The following RIC1 variants were observed in gnomAD, a reference collection of about 807,000 sequenced individuals.
RIC1 encodes RIC1 partner of RAB6A GEF complex, also known as guanine nucleotide exchange factor subunit RIC1.
A neutral mutation model predicts 169.0 loss-of-function variants in RIC1; 88 were observed. The observed-to-expected ratio is 0.52, with a 90% CI of 0.44 to 0.62. The LOEUF is 0.62. RIC1 is among the 20% of genes least tolerant of loss of function. The pLI is 0.00. For synonymous variants in RIC1, 790 were observed against 601.5 expected, an observed-to-expected ratio of 1.31 and a Z score of -4.59; for missense variants, 1,877 against 1,725.5, an observed-to-expected ratio of 1.09 and a Z score of -1.56.
At chr9:5,715,913 T>A (rs1055356270) in intron 4 of RIC1, among the ~76,000 whole-genome samples, 8 of 151,498 alleles carry the variant, frequency 5.3e-5, no homozygotes, top group Non-Finnish European at 1.0e-4. Flanking sequence ...AGCGGCATGA[T>A]CACAGCTCAC....
At chr9:5,736,801 A>G (rs533566986) in intron 7 of RIC1, among the ~76,000 whole-genome samples, 135 of 152,298 alleles carry the variant, frequency 8.9e-4, no homozygotes, top group Non-Finnish European at 7.8e-4. Flanking sequence ...AAATTATCCA[A>G]AATGGAACAC....
rs1353693169 is a variant in RIC1 at position 5,774,522 on chromosome 9, G to A, written c.*276G>A. 7.8e-6 allele frequency: 2 copies of A among 257,962 alleles called. No homozygotes were observed. Among genetic ancestry groups the A allele is most frequent in the African/African-American group, 2.2e-5 (1 of 45,386 alleles). 16.0% of individuals were successfully genotyped at this position (257,962 alleles called of 1,614,324 possible). On this transcript the variant is annotated 3_prime_UTR_variant, in exon 26 of 26. Transcript: ENST00000414202. ...ATATTTTGGTTTTACTCAAAGGTTG[G>A]TAGCTCTTAAACCACAGGAATTGTT...
intron 9 of RIC1, 85 bp downstream of exon 9, chr9:5,743,098 C>T: frequency 7.7e-7 from 1 of 1,294,462 alleles, no homozygotes. Flanking sequence ...GTCAGAACTT[C>T]CCTTTTTGCC....
chr9:5,747,413 C>T lies in RIC1; in HGVS notation c.1360C>T (p.Pro454Ser). 2 of 1,614,042 alleles carry T rather than the reference C, an allele frequency of 1.2e-6. No homozygotes were observed. Among genetic ancestry groups the T allele is most frequent in the South Asian group, 2.2e-5 (2 of 91,078 alleles). Residue 454 changes from proline to serine, a missense_variant, in exon 12 of 26, where the codon CCC becomes TCC. By Grantham distance (74) the Pro-to-Ser change is moderately conservative. Around this residue, in one of 3 missense-constraint regions of RIC1, gnomAD observed 1,104 missense variants for 992.0 expected, o/e 1.11. Transcript: ENST00000414202. ...RSSSTHSEHKPSREKSPFADG... is the reference protein window; with the variant it reads ...RSSSTHSEHKSSREKSPFADG... ...TTCTTCAACACACTCTGAGCATAAG[C>T]CCAGTCGAGAAAAGAGCCCATTTGC...
At position 5,753,726 on chromosome 9, in the gene RIC1, CTAAG is replaced by C. The variant is rs542888464; in HGVS notation, c.1602+84_1602+87del. The C allele has an allele frequency of 1.1e-4, 64 of 587,394 alleles. No homozygotes were observed. The South Asian group carries it at 2.4e-3, about 22-fold the overall frequency. 36.4% of individuals were successfully genotyped at this position (587,394 alleles called of 1,614,324 possible). A position where few individuals can be genotyped will look rare whatever the true frequency, so the allele number is the denominator to read the frequency against. On this transcript the variant is annotated intron_variant, in intron 14 of 25. Coordinates refer to ENST00000414202, the MANE Select transcript of RIC1 (RefSeq NM_020829.4). Reference sequence around the variant, plus strand: ...TATGAAATAGCTATAAAGTTTATCACTAAGTAATTTTGGTTACTTATTAAAAATA... The same window carrying C: ...TATGAAATAGCTATAAAGTTTATCACTAATTTTGGTTACTTATTAAAAATA...
At chr9:5,649,497 G>A (rs540934274) in intron 1 of RIC1, among the ~76,000 whole-genome samples, 19 of 152,082 alleles carry the variant, frequency 1.2e-4, no homozygotes, top group African/African-American at 4.1e-4. Flanking sequence ...ATTCCACTTA[G>A]TGAATTCTTC....
chr9:5,685,420 A>T (rs1436047090), intron 2 of RIC1, among the ~76,000 whole-genome samples: 3 of 151,244 alleles, frequency 2.0e-5, no homozygotes, highest in African/African-American at 4.8e-5. Context: ...ACTGGTACCA[A>T]AACAGAGATA....
rs12350149 is a variant in RIC1, at chr9:5,671,398, C to T, written c.252+14708C>T. On this transcript the variant is annotated intron_variant, in intron 2 of 25. Coordinates refer to ENST00000414202, the MANE Select transcript of RIC1 (RefSeq NM_020829.4). ...CAAGCAGTTCTCCCTGCCTTACCCT[C>T]CCAAGTAGTTGGGATTACAGGTGCT... Among the ~76,000 whole-genome samples the T allele has an allele frequency of 8.0e-3, 1,224 of 152,140 alleles. 18 individuals carry two copies. The highest frequency in any genetic ancestry group is 0.028 in the African/African-American group (1,144 of 41,518).
intron 3 of RIC1, among the ~76,000 whole-genome samples, chr9:5,693,970 A>T (rs1195933071): frequency 6.6e-6 from 1 of 152,020 alleles, no homozygotes; most frequent in Non-Finnish European, 1.5e-5. Flanking sequence ...TAGTAAAGAT[A>T]CTGGTCTTTT....
chr9:5,744,175 C>T (rs1825248943), intron 10 of RIC1, among the ~76,000 whole-genome samples: 2 of 151,888 alleles, frequency 1.3e-5, no homozygotes, highest in Admixed American at 6.6e-5. Context: ...TTAGATGTGG[C>T]CAGCAAACCC....
chr9:5,714,116 C>G (rs1045609762), intron 4 of RIC1, 113 bp downstream of exon 4: 22 of 613,844 alleles, frequency 3.6e-5, no homozygotes, highest in African/African-American at 3.5e-4. Context: ...AAGATAACTT[C>G]TTAGTTCTGG....
In RIC1 at chr9:5,720,789, G is replaced by A. The variant is rs1823543222; in HGVS notation, c.720+39G>A. The A allele has an allele frequency of 1.1e-5, 17 of 1,481,088 alleles. No individual in the cohort carries two copies. In the East Asian group the frequency reaches 4.1e-4, roughly 36 times the overall value. The allele number at this position is 1,481,088 out of a possible 1,614,324, so 91.7% of individuals were successfully genotyped here. ...ACTTTGAAGGGTTTTTTGTTATTGT[G>A]TACTTATTTTATTCTTTGTTATCAA... On this transcript the variant is annotated intron_variant, in intron 6 of 25. Transcript: ENST00000414202.
intron 12 of RIC1, among the ~76,000 whole-genome samples, chr9:5,749,273 G>A (rs1391308061): frequency 6.6e-6 from 1 of 152,204 alleles, no homozygotes; most frequent in Non-Finnish European, 1.5e-5. Context: ...TCGCCTATTT[G>A]GCAGTTTGTA....
chr9:5,722,348 A>AGAGAGTGTGT (rs374028302), intron 6 of RIC1, among the ~76,000 whole-genome samples: 242 of 131,332 alleles, frequency 1.8e-3, no homozygotes, highest in African/African-American at 3.5e-3. Flanking sequence ...AGAGAGAGAG[A>AGAGAGTGTGT]GTGTGTGTGT....
intron 3 of RIC1, among the ~76,000 whole-genome samples, chr9:5,692,959 A>G (rs1322663116): frequency 6.6e-6 from 1 of 152,118 alleles, no homozygotes; most frequent in African/African-American, 2.4e-5. Context: ...CCATAGTCAC[A>G]CGCGAATAAG....
intron 1 of RIC1, among the ~76,000 whole-genome samples, chr9:5,648,734 T>C (rs977238133): frequency 6.6e-6 from 1 of 152,198 alleles, no homozygotes; most frequent in African/African-American, 2.4e-5. Context: ...TATCTTGTGG[T>C]TTTGATTTTC....
intron 1 of RIC1, among the ~76,000 whole-genome samples, chr9:5,646,772 T>A (rs1374654519): frequency 6.6e-6 from 1 of 152,236 alleles, no homozygotes; most frequent in African/African-American, 2.4e-5. Context: ...ACATTTTTAC[T>A]CTCTTTGTAG....
intron 8 of RIC1, among the ~76,000 whole-genome samples, chr9:5,740,231 A>T (rs1407120523): frequency 6.6e-6 from 1 of 152,188 alleles, no homozygotes; most frequent in African/African-American, 2.4e-5. Flanking sequence ...TGCCAAATGC[A>T]TTTATTTTGC....
At chr9:5,667,192 C>G (rs1036952181) in intron 2 of RIC1, among the ~76,000 whole-genome samples, 2 of 152,054 alleles carry the variant, frequency 1.3e-5, no homozygotes, top group African/African-American at 4.8e-5. Flanking sequence ...TGAGTTGGCA[C>G]ATGATTGTAG....
Sources: gnomAD v4.1 joint callset for allele counts (sites outside exome capture counted in the v4.1 genomes callset) on GRCh38, gnomAD v4.1.1 for gene constraint, gnomAD v4.1.1 regional missense constraint, MANE v1.5 for transcripts, NCBI Gene and HGNC (gene_info 2026-07-23, HGNC 2026-07-21) for gene names.